MAP2K5: variants seen among roughly 807,000 people sequenced by gnomAD.
MAP2K5 encodes the protein dual specificity mitogen-activated protein kinase kinase 5.
In MAP2K5, 49 loss-of-function variants were observed where a neutral mutation model predicts 83.1. The ratio of observed to expected loss-of-function variants is 0.59; its 90% CI spans 0.47 to 0.75. The LOEUF is 0.75. Ranked by LOEUF, MAP2K5 falls within the 30% of genes least tolerant of loss-of-function variation. The pLI, the probability that MAP2K5 is intolerant of heterozygous loss-of-function variation, is 0.00. For synonymous variants in MAP2K5, 202 were observed against 191.8 expected (o/e 1.05, Z -0.44); for missense variants, 457 against 557.5 (o/e 0.82, Z 1.82).
At chr15:67,731,874 G>T (rs913079624) in intron 17 of MAP2K5, among the ~76,000 whole-genome samples, 1 of 152,066 alleles carries the variant, frequency 6.6e-6, no homozygotes, top group African/African-American at 2.4e-5. Context: ...CTGCCCTAGG[G>T]AGGCCTCTTG....
intron 3 of MAP2K5, among the ~76,000 whole-genome samples, chr15:67,574,284 T>C (rs1367445384): frequency 6.6e-6 from 1 of 151,988 alleles, no homozygotes; most frequent in Non-Finnish European, 1.5e-5. Context: ...TTAATAAAAT[T>C]TAGTAGGCTG....
chr15:67,610,214 T>A (rs1259662116), intron 8 of MAP2K5, among the ~76,000 whole-genome samples: 1 of 152,190 alleles, frequency 6.6e-6, no homozygotes, highest in Admixed American at 6.5e-5. Flanking sequence ...GTCAATGATG[T>A]ATCATCTCTA....
intron 16 of MAP2K5, among the ~76,000 whole-genome samples, chr15:67,710,497 GTTTTTTTT>G (rs10609519): frequency 1.6e-3 from 133 of 81,036 alleles, no homozygotes; most frequent in Admixed American, 8.3e-3. Context: ...ATCTTCTGAA[GTTTTTTTT>G]TTTTTTTTTT....
rs1344405927 is a variant in MAP2K5 at position 67,746,399 on chromosome 15, T to C, written c.1075-1832T>C. Among the ~76,000 whole-genome samples the C allele has an allele frequency of 6.6e-6, 1 of 152,080 alleles. No homozygotes were observed. The highest frequency in any genetic ancestry group is 1.5e-5 in the Non-Finnish European group (1 of 68,004). The stretch of plus-strand genomic sequence containing the variant: ...TTATTCATTACAAATAACTCCGTTG[T>C]TGAAGCAGATATATCTTACTAGGAA... On this transcript the variant is annotated intron_variant, in intron 17 of 21. Coordinates refer to ENST00000178640, the MANE Select transcript of MAP2K5 (RefSeq NM_145160.3). The surrounding 1 kb of genome is among the most constrained non-coding windows in gnomAD (Gnocchi z 4.1).
At chr15:67,604,561 T>G (rs930691895) in intron 8 of MAP2K5, among the ~76,000 whole-genome samples, 1 of 152,192 alleles carries the variant, frequency 6.6e-6, no homozygotes, top group African/African-American at 2.4e-5. Flanking sequence ...ATATAATGTC[T>G]TATGCCTCAG....
chr15:67,741,472 G>A (rs1054975337), intron 17 of MAP2K5, among the ~76,000 whole-genome samples: 2 of 152,172 alleles, frequency 1.3e-5, no homozygotes, highest in Non-Finnish European at 2.9e-5. Flanking sequence ...TCTGAGAGGG[G>A]AACAGCAGGT....
In MAP2K5 at chr15:67,737,286, A is replaced by G. The variant is rs185244855; in HGVS notation, c.1074+9341A>G. Among the ~76,000 whole-genome samples the G allele has an allele frequency of 1.6e-3, 251 of 152,316 alleles. 1 individual carries two copies. The highest frequency in any genetic ancestry group is 2.6e-3 in the Non-Finnish European group (176 of 68,028). ...CAGTAGTAGCAGCAGCAACAGACAA[A>G]GACATCAACTTTTATTATACTCCAG... On this transcript the variant is annotated intron_variant, in intron 17 of 21. Transcript: ENST00000178640.
At chr15:67,796,761 T>TA (rs1236771720) in intron 21 of MAP2K5, among the ~76,000 whole-genome samples, 4 of 152,138 alleles carry the variant, frequency 2.6e-5, no homozygotes, top group African/African-American at 7.2e-5. Context: ...TTATATATAA[T>TA]AAAAAACAAA....
intron 16 of MAP2K5, among the ~76,000 whole-genome samples, chr15:67,704,600 T>C (rs575022111): frequency 6.6e-6 from 1 of 152,352 alleles, no homozygotes; most frequent in Admixed American, 6.5e-5. Flanking sequence ...GTTGAACGTT[T>C]ATTAAATCAT....
chr15:67,587,358 C>T lies in MAP2K5; in HGVS notation c.431+445C>T, dbSNP rs2085311686. ...GTAGGCCCTGTAATGTTTGAATTTT[C>T]CTTTTGGTGCACTGGCTAGCAGTTA... On this transcript the variant is annotated intron_variant, in intron 6 of 21. Transcript: ENST00000178640. The surrounding 1 kb of genome is among the most constrained non-coding windows in gnomAD (Gnocchi z 4.8). 1.3e-5 allele frequency among the ~76,000 whole-genome samples: 2 copies of T among 152,104 alleles called. No individual in the cohort carries two copies. The highest frequency in any genetic ancestry group is 4.8e-5 in the African/African-American group (2 of 41,400).
At chr15:67,796,063 C>A (rs1375067503) in intron 21 of MAP2K5, among the ~76,000 whole-genome samples, 1 of 151,958 alleles carries the variant, frequency 6.6e-6, no homozygotes, top group Non-Finnish European at 1.5e-5. Context: ...GTTTGATTAT[C>A]CTTTACTTCT....
Position 67,696,065 on chromosome 15 carries a change from T to C in MAP2K5, c.972+2497T>C, listed in dbSNP as rs183291181. On this transcript the variant is annotated intron_variant, in intron 15 of 21. Coordinates refer to ENST00000178640, the MANE Select transcript of MAP2K5 (RefSeq NM_145160.3). ...GAGGTGGAAATAACCTATATTATTA[T>C]AGTACAGGTATGAATCCCTGACTTT... 1.3e-3 allele frequency among the ~76,000 whole-genome samples: 193 copies of C among 151,572 alleles called. 1 individual carries two copies. Among genetic ancestry groups the C allele is most frequent in the African/African-American group, 4.5e-3 (187 of 41,322 alleles).
At chr15:67,658,861 G>A in intron 12 of MAP2K5, 1 of 540,518 alleles carries the variant, frequency 1.9e-6, no homozygotes, top group South Asian at 1.7e-5. Flanking sequence ...TGGTATTCTT[G>A]TTGACTCGTA....
At chr15:67,706,041 TTCACAGTA>T (rs2088545329) in intron 16 of MAP2K5, among the ~76,000 whole-genome samples, 1 of 152,208 alleles carries the variant, frequency 6.6e-6, no homozygotes, top group Non-Finnish European at 1.5e-5. Context: ...GACTTAAATT[TTCACAGTA>T]TCACTGAGTG....
intron 19 of MAP2K5, among the ~76,000 whole-genome samples, chr15:67,754,870 A>G (rs996591892): frequency 1.3e-5 from 2 of 152,332 alleles, no homozygotes; most frequent in East Asian, 1.9e-4. Context: ...TATGCTTGGA[A>G]GGTTTGACAT....
chr15:67,759,883 C>A (rs184572949), intron 19 of MAP2K5, among the ~76,000 whole-genome samples: 45 of 152,320 alleles, frequency 3.0e-4, no homozygotes, highest in Admixed American at 5.9e-4. Context: ...TAGTTAATGA[C>A]TGAGGCATTA....
At chr15:67,672,735 C>T (rs1056304088) in intron 13 of MAP2K5, among the ~76,000 whole-genome samples, 1 of 141,590 alleles carries the variant, frequency 7.1e-6, no homozygotes, top group Non-Finnish European at 1.5e-5. Context: ...AAGTCCTTGC[C>T]CATGCCTATG....
In MAP2K5 at chr15:67,801,675, G is replaced by A. The variant is rs1331032422; in HGVS notation, c.1243-4971G>A. ...GTTTCCTTTATAAAATGGGGGTGCC[G>A]GGAGGGTTCAGGAGAGCTGTGGTCA... On this transcript the variant is annotated intron_variant, in intron 21 of 21. Transcript: ENST00000178640. This position sits in a 1 kb window ranked among gnomAD's most constrained non-coding sequence, Gnocchi z 4.8. Among the ~76,000 whole-genome samples, 1 of 152,136 alleles carries A rather than the reference G, an allele frequency of 6.6e-6. No homozygotes were observed. The highest frequency in any genetic ancestry group is 1.5e-5 in the Non-Finnish European group (1 of 68,030).
At chr15:67,729,281 A>G (rs2089169843) in intron 17 of MAP2K5, among the ~76,000 whole-genome samples, 1 of 152,224 alleles carries the variant, frequency 6.6e-6, no homozygotes, top group African/African-American at 2.4e-5. Context: ...AGCTTGGCCA[A>G]TTTGTGAAAT....
Sources: allele counts gnomAD v4.1 joint callset (sites outside exome capture counted in the v4.1 genomes callset), GRCh38; gene constraint gnomAD v4.1.1; non-coding constraint Gnocchi (gnomAD v3.1); transcripts MANE v1.5; gene names NCBI Gene and HGNC (gene_info 2026-07-23, HGNC 2026-07-21).